The following PTBP2 variants were observed in gnomAD, a reference collection of about 807,000 sequenced individuals.
PTBP2 encodes polypyrimidine tract binding protein 2.
In PTBP2, 13 loss-of-function variants were observed where a neutral mutation model predicts 61.4. The observed-to-expected ratio is 0.21, with a 90% confidence interval of 0.14 to 0.34. PTBP2 has a LOEUF of 0.34. Among genes scored for constraint, PTBP2 ranks in the 10% least tolerant of loss-of-function variants. PTBP2 has a pLI of 1.00. For synonymous variants in PTBP2, 215 were observed against 218.5 expected (o/e 0.98, Z 0.14); for missense variants, 405 against 642.6 (o/e 0.63, Z 4.00).
intron 3 of PTBP2, among the ~76,000 whole-genome samples, chr1:96,758,219 C>CT (rs139781900): frequency 0.019 from 2,908 of 151,904 alleles, 96 homozygotes; most frequent in African/African-American, 0.066. Context: ...GCAAAACTGA[C>CT]TTAAGTATAT....
chr1:96,790,217 G>A (rs1659640101), intron 8 of PTBP2, among the ~76,000 whole-genome samples: 1 of 150,268 alleles, frequency 6.7e-6, no homozygotes, highest in Non-Finnish European at 1.5e-5. Flanking sequence ...TATCTGCTGT[G>A]TTTCTTATAT....
chr1:96,810,585 T>G (rs927582438), intron 11 of PTBP2, among the ~76,000 whole-genome samples: 1 of 152,158 alleles, frequency 6.6e-6, no homozygotes. Flanking sequence ...TGTATGCAGT[T>G]ACTATGCCTG....
At chr1:96,775,970 T>C (rs1657990762) in intron 5 of PTBP2, among the ~76,000 whole-genome samples, 1 of 152,012 alleles carries the variant, frequency 6.6e-6, no homozygotes, top group Admixed American at 6.5e-5. Context: ...TATTTATATA[T>C]ATATGCTTGT....
At position 96,777,630 on chromosome 1, in the gene PTBP2, A is replaced by G. The variant is rs1246712279; in HGVS notation, c.478A>G (p.Asn160Asp). 3.1e-6 allele frequency: 5 copies of G among 1,613,468 alleles called. No homozygotes were observed. Among genetic ancestry groups the G allele is most frequent in the East Asian group, 2.2e-5 (1 of 44,850 alleles). Residue 160 changes from asparagine (N) to aspartate (D), a missense_variant, in exon 6 of 14, where the codon AAT becomes GAT. Physicochemically the swap from Asn to Asp is conservative, Grantham distance 23 (BLOSUM62 1). Around this residue, in one of 4 missense-constraint regions of PTBP2, gnomAD observed 342 missense variants for 491.2 expected, o/e 0.70. Coordinates refer to ENST00000674951, the MANE Select transcript of PTBP2 (RefSeq NM_021190.4). Reference protein sequence around the residue: ...LQAVTAVQTANTPLSGTTVSE... With the variant: ...LQAVTAVQTADTPLSGTTVSE... Reference sequence around the variant, plus strand: ...AGCTGTGACAGCTGTCCAGACAGCAAATACTCCTCTTAGTGGCACCACAGT... The same window carrying G: ...AGCTGTGACAGCTGTCCAGACAGCAGATACTCCTCTTAGTGGCACCACAGT...
intron 3 of PTBP2, among the ~76,000 whole-genome samples, chr1:96,752,255 C>G (rs896788951): frequency 6.6e-6 from 1 of 152,052 alleles, no homozygotes; most frequent in Non-Finnish European, 1.5e-5. Flanking sequence ...ATTTACCTCA[C>G]AACTCCACAT....
intron 3 of PTBP2, among the ~76,000 whole-genome samples, chr1:96,759,473 C>G (rs1655542707): frequency 6.6e-6 from 1 of 152,122 alleles, no homozygotes; most frequent in Non-Finnish European, 1.5e-5. Context: ...GGCCTTTCAA[C>G]AGATGTGCTA....
intron 3 of PTBP2, among the ~76,000 whole-genome samples, chr1:96,760,009 A>T (rs939610673): frequency 6.6e-6 from 1 of 152,146 alleles, no homozygotes; most frequent in Non-Finnish European, 1.5e-5. Flanking sequence ...AAACCATGAG[A>T]CTTACTTCAC....
chr1:96,748,031 G>C (rs1182439095), intron 2 of PTBP2, among the ~76,000 whole-genome samples: 2 of 151,896 alleles, frequency 1.3e-5, no homozygotes, highest in African/African-American at 4.8e-5. Flanking sequence ...CATCATCTTG[G>C]TGGCACCTCT....
intron 3 of PTBP2, among the ~76,000 whole-genome samples, chr1:96,762,138 C>CA (rs1324089565): frequency 6.6e-6 from 1 of 151,224 alleles, no homozygotes; most frequent in Non-Finnish European, 1.5e-5. Context: ...TCTTTCTACA[C>CA]AGACACGGCA....
At chr1:96,758,260 C>G (rs563058588) in intron 3 of PTBP2, among the ~76,000 whole-genome samples, 2 of 152,048 alleles carry the variant, frequency 1.3e-5, no homozygotes, top group South Asian at 4.2e-4. Flanking sequence ...CTGTATTATA[C>G]AAATTGGAAT....
At chr1:96,775,522 C>T (rs1428115118) in intron 5 of PTBP2, among the ~76,000 whole-genome samples, 1 of 152,086 alleles carries the variant, frequency 6.6e-6, no homozygotes, top group Non-Finnish European at 1.5e-5. Context: ...AGAAGCCAAA[C>T]CAAAGTAGAA....
chr1:96,797,262 A>G (rs903090712), intron 8 of PTBP2, among the ~76,000 whole-genome samples: 2 of 152,120 alleles, frequency 1.3e-5, no homozygotes, highest in African/African-American at 4.8e-5. Context: ...ACCTTTGGAG[A>G]AAAGTTGAGG....
chr1:96,724,416 A>G (rs936038833), intron 2 of PTBP2, among the ~76,000 whole-genome samples: 9 of 151,552 alleles, frequency 5.9e-5, no homozygotes, highest in African/African-American at 2.2e-4. Context: ...ACGCCCAGCT[A>G]ATTTGTATTT....
At chr1:96,756,314 A>G (rs1655154982) in intron 3 of PTBP2, among the ~76,000 whole-genome samples, 1 of 152,150 alleles carries the variant, frequency 6.6e-6, no homozygotes, top group East Asian at 1.9e-4. Context: ...CAGGAGAATT[A>G]CTTGAACCCA....
intron 8 of PTBP2, among the ~76,000 whole-genome samples, chr1:96,789,681 ATAT>A (rs1659580222): frequency 6.6e-6 from 1 of 152,106 alleles, no homozygotes; most frequent in African/African-American, 2.4e-5. Context: ...TCATTTGGTA[ATAT>A]TTATTAATTT....
chr1:96,763,150 G>A (rs1397930392), intron 3 of PTBP2, among the ~76,000 whole-genome samples: 1 of 152,150 alleles, frequency 6.6e-6, no homozygotes, highest in African/African-American at 2.4e-5. Flanking sequence ...GCCAGGCAGA[G>A]ACGCTCCTCA....
At chr1:96,792,094 C>A (rs927330196) in intron 8 of PTBP2, among the ~76,000 whole-genome samples, 5 of 152,100 alleles carry the variant, frequency 3.3e-5, no homozygotes, top group Non-Finnish European at 4.4e-5. Flanking sequence ...GCCTCGGCCT[C>A]CCAAAGTGCT....
At chr1:96,725,619 C>T (rs942259119) in intron 2 of PTBP2, among the ~76,000 whole-genome samples, 1 of 151,892 alleles carries the variant, frequency 6.6e-6, no homozygotes, top group African/African-American at 2.4e-5. Context: ...TTTTAAAAAT[C>T]CATTGTTTAA....
chr1:96,753,152 C>A (rs187357826), intron 3 of PTBP2, among the ~76,000 whole-genome samples: 2 of 152,182 alleles, frequency 1.3e-5, no homozygotes, highest in East Asian at 3.8e-4. Context: ...GACTTGGTTA[C>A]ATGTGTGCAG....
Sources: allele counts gnomAD v4.1 joint callset (sites outside exome capture counted in the v4.1 genomes callset), GRCh38; gene constraint gnomAD v4.1.1; regional missense constraint gnomAD v4.1.1; transcripts MANE v1.5; gene names NCBI Gene and HGNC (gene_info 2026-07-23, HGNC 2026-07-21).